The following FAT3 variants were observed in gnomAD, a reference collection of about 807,000 sequenced individuals.
FAT3 encodes the protein protocadherin Fat 3.
A neutral mutation model predicts 310.2 loss-of-function variants in FAT3; 95 were observed. The observed-to-expected ratio is 0.31, with a 90% CI of 0.26 to 0.36. The LOEUF is 0.36. Ranked by LOEUF, FAT3 falls within the 10% of genes least tolerant of loss-of-function variation. FAT3 has a pLI of 1.00. For synonymous variants in FAT3, 2,314 were observed against 2,192.9 expected, an observed-to-expected ratio of 1.06 and a Z score of -1.54; for missense variants, 5,408 against 5,715.6, an observed-to-expected ratio of 0.95 and a Z score of 1.74.
chr11:92,795,695 G>C (rs1356114744), intron 9 of FAT3, among the ~76,000 whole-genome samples: 1 of 152,030 alleles, frequency 6.6e-6, no homozygotes, highest in Non-Finnish European at 1.5e-5. Flanking sequence ...TGGATCACTT[G>C]AGGTCAGAAG....
intron 2 of FAT3, among the ~76,000 whole-genome samples, chr11:92,425,653 G>C (rs904987668): frequency 2.0e-5 from 3 of 152,002 alleles, no homozygotes; most frequent in African/African-American, 7.3e-5. Context: ...TTCTGTTCCT[G>C]TGTTAGTTTG....
rs568206203 is a variant in FAT3 at position 92,526,473 on chromosome 11, G to C, written c.3607+1525G>C. On this transcript the variant is annotated intron_variant, in intron 3 of 27. Transcript: ENST00000525166. Reference sequence around the variant, plus strand: ...TTCCATCTTGATCCCATTGCTACTTGAGTCATTAATGGTAGGCCCAGCACC... The same window carrying C: ...TTCCATCTTGATCCCATTGCTACTTCAGTCATTAATGGTAGGCCCAGCACC... Among the ~76,000 whole-genome samples the C allele has an allele frequency of 1.6e-4, 25 of 152,208 alleles. No individual in the cohort carries two copies. The East Asian group carries it at 3.7e-3, about 22-fold the overall frequency.
intron 2 of FAT3, among the ~76,000 whole-genome samples, chr11:92,427,723 T>C (rs1443134959): frequency 1.3e-5 from 2 of 152,202 alleles, no homozygotes; most frequent in East Asian, 1.9e-4. Flanking sequence ...TGAAGCAGAC[T>C]TGATCATGGT....
chr11:92,412,426 G>A (rs1301178416), intron 2 of FAT3, among the ~76,000 whole-genome samples: 2 of 32,096 alleles, frequency 6.2e-5, no homozygotes, highest in Non-Finnish European at 3.9e-4. Context: ...TTTTTTGAGA[G>A]TTTACCTAGT....
chr11:92,689,527 C>G (rs768661741), intron 3 of FAT3, among the ~76,000 whole-genome samples: 1 of 152,110 alleles, frequency 6.6e-6, no homozygotes, highest in African/African-American at 2.4e-5. Flanking sequence ...ACTTAATAGC[C>G]TAGAGACTTC....
intron 4 of FAT3, among the ~76,000 whole-genome samples, chr11:92,701,520 C>T (rs1024193830): frequency 1.3e-5 from 2 of 152,196 alleles, no homozygotes; most frequent in Non-Finnish European, 2.9e-5. Flanking sequence ...TCAGTGAATT[C>T]TAAGTGTTAA....
intron 2 of FAT3, among the ~76,000 whole-genome samples, chr11:92,450,797 T>C (rs1460582075): frequency 6.6e-6 from 1 of 152,186 alleles, no homozygotes; most frequent in Non-Finnish European, 1.5e-5. Context: ...TTATGTTCTC[T>C]TGATATTATT....
intron 1 of FAT3, among the ~76,000 whole-genome samples, chr11:92,282,939 G>A (rs1003684813): frequency 7.9e-5 from 12 of 151,980 alleles, no homozygotes; most frequent in Non-Finnish European, 1.5e-4. Flanking sequence ...GAAAATCTGT[G>A]ATCCTGTTTT....
Position 92,800,054 on chromosome 11 carries a change from G to C in FAT3, c.7041G>C (p.Leu2347=). Residue 2347 remains leucine (L), a synonymous_variant, in exon 10 of 28, where the codon CTG becomes CTC. Transcript: ENST00000525166. ...TAGATAGCTCAAGTGGCTTAATCCT[G>C]ACAGCACGAATGCTGGACCATGAGT... ...FHIDSSSGLI[L]TARMLDHELV... 6.2e-7 allele frequency: 1 copy of C among 1,613,942 alleles called. No individual in the cohort carries two copies. The highest frequency in any genetic ancestry group is 1.1e-5 in the South Asian group (1 of 91,070).
At chr11:92,558,552 G>A (rs78396946) in intron 3 of FAT3, among the ~76,000 whole-genome samples, 119 of 152,274 alleles carry the variant, frequency 7.8e-4, no homozygotes, top group African/African-American at 2.7e-3. Context: ...TCTCTGGCAT[G>A]AAGCAGGCTT....
chr11:92,528,590 G>A (rs1007038224), intron 3 of FAT3, among the ~76,000 whole-genome samples: 1 of 152,162 alleles, frequency 6.6e-6, no homozygotes, highest in African/African-American at 2.4e-5. Context: ...GTTTCATCGT[G>A]TTAGCCAGGA....
chr11:92,461,776 T>C (rs1951644058), intron 2 of FAT3, among the ~76,000 whole-genome samples: 1 of 152,172 alleles, frequency 6.6e-6, no homozygotes, highest in South Asian at 2.1e-4. Context: ...AAGGTTAATG[T>C]TAGATGTTCA....
chr11:92,229,353 G>GAGTAAATA (rs141894162), intron 1 of FAT3, among the ~76,000 whole-genome samples: 66,642 of 151,052 alleles, frequency 0.44, 15,156 homozygotes, highest in Non-Finnish European at 0.51. Flanking sequence ...AAGACTCAGA[G>GAGTAAATA]AGTAAATATC....
intron 2 of FAT3, among the ~76,000 whole-genome samples, chr11:92,377,833 T>G (rs1399894905): frequency 6.6e-6 from 1 of 152,212 alleles, no homozygotes; most frequent in African/African-American, 2.4e-5. Context: ...CAGCTCAGTG[T>G]CTATCTCTGA....
chr11:92,609,408 G>A (rs557966173), intron 3 of FAT3, among the ~76,000 whole-genome samples: 76 of 152,290 alleles, frequency 5.0e-4, no homozygotes, highest in African/African-American at 1.8e-3. Flanking sequence ...TTGACAGTCT[G>A]TGTATATTTG....
chr11:92,583,626 C>T (rs1045321250), intron 3 of FAT3, among the ~76,000 whole-genome samples: 3 of 151,788 alleles, frequency 2.0e-5, no homozygotes, highest in African/African-American at 4.8e-5. Flanking sequence ...ATTTTCATCA[C>T]GAAAGTTTCC....
At chr11:92,487,257 A>G (rs995080413) in intron 2 of FAT3, among the ~76,000 whole-genome samples, 12 of 152,166 alleles carry the variant, frequency 7.9e-5, no homozygotes, top group African/African-American at 1.4e-4. Context: ...ATGTTTTTCT[A>G]TCAAACCAAG....
chr11:92,799,495 A>C lies in FAT3; in HGVS notation c.6482A>C (p.Lys2161Thr). Reference sequence around the variant, plus strand: ...GAGTATGGAGTCACCATCCTAGCCAAGGATGGCGGAAAACCTTCTTTGTCT... The same window carrying C: ...GAGTATGGAGTCACCATCCTAGCCACGGATGGCGGAAAACCTTCTTTGTCT... ...NIEYGVTILA[K>T]DGGKPSLSTS... Residue 2161 changes from lysine to threonine, a missense_variant, in exon 10 of 28, where the codon AAG becomes ACG. Transcript: ENST00000525166. 6.2e-7 allele frequency: 1 copy of C among 1,613,710 alleles called. No homozygotes were observed. The highest frequency in any genetic ancestry group is 8.5e-7 in the Non-Finnish European group (1 of 1,179,788).
intron 2 of FAT3, among the ~76,000 whole-genome samples, chr11:92,502,234 C>G (rs1187381322): frequency 6.6e-6 from 1 of 151,882 alleles, no homozygotes; most frequent in Admixed American, 6.6e-5. Flanking sequence ...TTAAAAAATG[C>G]CTTGATGTTT....
Sources: gnomAD v4.1 joint callset for allele counts (sites outside exome capture counted in the v4.1 genomes callset) on GRCh38, gnomAD v4.1.1 for gene constraint, MANE v1.5 for transcripts, NCBI Gene and HGNC (gene_info 2026-07-23, HGNC 2026-07-21) for gene names.